B3GALT1: variants seen among roughly 807,000 people sequenced by gnomAD.
B3GALT1 encodes the protein UDP-Gal:betaGlcNAc beta 1,3-galactosyltransferase, polypeptide 1.
A neutral mutation model predicts 23.2 loss-of-function variants in B3GALT1; 10 were observed. The observed-to-expected ratio is 0.43, with a 90% CI of 0.27 to 0.73. B3GALT1 has a LOEUF of 0.73. Among genes scored for constraint, B3GALT1 ranks in the 30% least tolerant of loss-of-function variants. B3GALT1 has a pLI of 0.21. For synonymous variants in B3GALT1, 156 were observed against 141.5 expected (o/e 1.10, Z -0.73); for missense variants, 299 against 405.4 (o/e 0.74, Z 2.25).
At chr2:167,859,889 A>C (rs1690065858) in intron 4 of B3GALT1, among the ~76,000 whole-genome samples, 1 of 152,196 alleles carries the variant, frequency 6.6e-6, no homozygotes, top group Non-Finnish European at 1.5e-5. Flanking sequence ...ATAGCCAAGG[A>C]GGCTGACTTA....
rs565252994 is a variant in B3GALT1, at chr2:167,718,457, C to T, written c.-352+71491C>T. The stretch of plus-strand genomic sequence containing the variant: ...GAGTGTCAATATTAGTTTTTGCAAT[C>T]ACTAAGTTTTAAGTGTAGAATAGTG... On this transcript the variant is annotated intron_variant, in intron 3 of 4. Transcript: ENST00000392690. Among the ~76,000 whole-genome samples, 4 of 152,210 alleles carry T rather than the reference C, an allele frequency of 2.6e-5. No individual in the cohort carries two copies. In the South Asian group the frequency reaches 8.3e-4, roughly 32 times the overall value.
At chr2:167,623,315 A>G (rs942262475) in intron 2 of B3GALT1, among the ~76,000 whole-genome samples, 1 of 152,240 alleles carries the variant, frequency 6.6e-6, no homozygotes, top group African/African-American at 2.4e-5. Context: ...AGACACATGC[A>G]CACATATGTT....
intron 3 of B3GALT1, among the ~76,000 whole-genome samples, chr2:167,786,092 AGG>A (rs1688340332): frequency 1.3e-5 from 2 of 152,234 alleles, no homozygotes; most frequent in African/African-American, 4.8e-5. Context: ...TGCAAATGGC[AGG>A]TCTGCCTCCT....
At position 167,447,838 on chromosome 2, in the gene B3GALT1, G is replaced by A. The variant is rs114678997; in HGVS notation, c.-510-42339G>A. The stretch of plus-strand genomic sequence containing the variant: ...GTGAGGCGATGCCTCACCCCACTTC[G>A]GCTCTTGCTTGGTGGGCTGCATCCA... On this transcript the variant is annotated intron_variant, in intron 1 of 4. Coordinates refer to ENST00000392690, the MANE Select transcript of B3GALT1 (RefSeq NM_020981.4). Among the ~76,000 whole-genome samples the A allele has an allele frequency of 8.8e-3, 1,338 of 152,084 alleles. 24 individuals are homozygous for A. The highest frequency in any genetic ancestry group is 0.031 in the African/African-American group (1,280 of 41,470).
At chr2:167,335,609 T>C (rs1028399979) in intron 1 of B3GALT1, among the ~76,000 whole-genome samples, 1 of 152,152 alleles carries the variant, frequency 6.6e-6, no homozygotes, top group African/African-American at 2.4e-5. Context: ...TTAGACCATA[T>C]ATGGTAACTT....
chr2:167,607,749 C>T (rs1455817618), intron 2 of B3GALT1, among the ~76,000 whole-genome samples: 1 of 152,084 alleles, frequency 6.6e-6, no homozygotes, highest in Non-Finnish European at 1.5e-5. Flanking sequence ...GTGTGGGCTC[C>T]TACTACAATT....
At chr2:167,847,682 T>C (rs1044195131) in intron 4 of B3GALT1, among the ~76,000 whole-genome samples, 6 of 151,712 alleles carry the variant, frequency 4.0e-5, no homozygotes, top group Non-Finnish European at 8.8e-5. Flanking sequence ...CTCAAGGAAC[T>C]AGAGAAACAA....
intron 1 of B3GALT1, among the ~76,000 whole-genome samples, chr2:167,436,728 C>T (rs1351691338): frequency 6.6e-6 from 1 of 152,072 alleles, no homozygotes; most frequent in East Asian, 1.9e-4. Context: ...ACGGTGTGGG[C>T]TTCCAGTAGT....
intron 2 of B3GALT1, among the ~76,000 whole-genome samples, chr2:167,619,257 G>T (rs1047669882): frequency 2.0e-5 from 3 of 151,696 alleles, no homozygotes; most frequent in African/African-American, 7.3e-5. Context: ...GGCTCCCCCT[G>T]TCCCCTCCCC....
In B3GALT1 at chr2:167,708,917, ACTGT is replaced by A. The variant is rs145017315; in HGVS notation, c.-352+61954_-352+61957del. Among the ~76,000 whole-genome samples the A allele has an allele frequency of 4.6e-3, 701 of 152,304 alleles. 4 individuals are homozygous for A. Among genetic ancestry groups the A allele is most frequent in the African/African-American group, 0.016 (666 of 41,564 alleles). ...CCCCAGTAAGAAGGCAGAAAATATT[ACTGT>A]CTATTTTGCTTTAAAATATTTTTTC... On this transcript the variant is annotated intron_variant, in intron 3 of 4. Coordinates refer to ENST00000392690, the MANE Select transcript of B3GALT1 (RefSeq NM_020981.4).
chr2:167,348,835 A>G (rs993700805), intron 1 of B3GALT1, among the ~76,000 whole-genome samples: 15 of 152,238 alleles, frequency 9.9e-5, no homozygotes, highest in African/African-American at 3.4e-4. Flanking sequence ...GTTTTATAAG[A>G]TCTATCTTTC....
intron 1 of B3GALT1, among the ~76,000 whole-genome samples, chr2:167,330,773 C>A (rs762418739): frequency 6.6e-6 from 1 of 151,808 alleles, no homozygotes; most frequent in Non-Finnish European, 1.5e-5. Flanking sequence ...TTTTGGAATT[C>A]TCTTATATCT....
intron 2 of B3GALT1, among the ~76,000 whole-genome samples, chr2:167,503,237 A>G (rs902300138): frequency 6.6e-6 from 1 of 152,108 alleles, no homozygotes; most frequent in African/African-American, 2.4e-5. Context: ...AACTATTATA[A>G]AAATTATTAC....
rs914373881 is a variant in B3GALT1, at chr2:167,669,334, G to C, written c.-352+22368G>C. Among the ~76,000 whole-genome samples the C allele has an allele frequency of 5.9e-5, 9 of 152,268 alleles. No homozygotes were observed. The South Asian group carries it at 1.9e-3, about 32-fold the overall frequency. ...TATAATCAAAATTTATTTTCAAAGTGCAAAATTCAAATAAGTTCTTGAAGT... is the reference window on the plus strand; with the variant it reads ...TATAATCAAAATTTATTTTCAAAGTCCAAAATTCAAATAAGTTCTTGAAGT... On this transcript the variant is annotated intron_variant, in intron 3 of 4. Coordinates refer to ENST00000392690, the MANE Select transcript of B3GALT1 (RefSeq NM_020981.4).
rs1195110974 is a variant in B3GALT1, at chr2:167,645,553, ATTTTTTTTT to A, written c.-409-1338_-409-1330del. On this transcript the variant is annotated intron_variant, in intron 2 of 4. Transcript: ENST00000392690. ...GTTCTACCCTTGGCCACTGCCAATA[ATTTTTTTTT>A]TTTTTTTTTTTTTTTTTGAGATGGA... Among the ~76,000 whole-genome samples the A allele has an allele frequency of 9.2e-5, 8 of 87,072 alleles. No homozygotes were observed. In the East Asian group the frequency reaches 1.9e-3, roughly 21 times the overall value. 57.1% of individuals were successfully genotyped at this position (87,072 alleles called of 152,430 possible).
At chr2:167,408,015 GACACACACACACACACAC>G (rs56318085) in intron 1 of B3GALT1, among the ~76,000 whole-genome samples, 3,446 of 129,718 alleles carry the variant, frequency 0.027, 77 homozygotes, top group African/African-American at 0.046. Flanking sequence ...AGCAGGCAAA[GACACACACACACACACAC>G]ACACACACAC....
chr2:167,826,212 G>C (rs747663284), intron 4 of B3GALT1, among the ~76,000 whole-genome samples: 2 of 152,120 alleles, frequency 1.3e-5, no homozygotes, highest in Non-Finnish European at 2.9e-5. Context: ...CTTGACTCCC[G>C]GTCTTGCGCT....
intron 1 of B3GALT1, among the ~76,000 whole-genome samples, chr2:167,450,069 C>A (rs1420405031): frequency 6.6e-6 from 1 of 152,026 alleles, no homozygotes; most frequent in Non-Finnish European, 1.5e-5. Context: ...TAGTTATGTC[C>A]TTGCCTAGTT....
rs1053210427 is a variant in B3GALT1, at chr2:167,365,971, G to C, written c.-511+72637G>C. On this transcript the variant is annotated intron_variant, in intron 1 of 4. Coordinates refer to ENST00000392690, the MANE Select transcript of B3GALT1 (RefSeq NM_020981.4). ...AAGGCTACAGATATGTAAAGTACCT[G>C]CGCTCTTTTTGTCTAACATTTTGGA... Among the ~76,000 whole-genome samples, 6 of 152,178 alleles carry C rather than the reference G, an allele frequency of 3.9e-5. 1 individual carries two copies. Among genetic ancestry groups the C allele is most frequent in the Admixed American group, 3.9e-4 (6 of 15,264 alleles).
Sources: allele counts gnomAD v4.1 joint callset (sites outside exome capture counted in the v4.1 genomes callset), GRCh38; gene constraint gnomAD v4.1.1; transcripts MANE v1.5; gene names NCBI Gene and HGNC (gene_info 2026-07-23, HGNC 2026-07-21).